Variants in ARID3A observed in about 807,000 individuals in gnomAD.
ARID3A encodes the protein AT-rich interaction domain 3A.
ARID3A carries 11 observed loss-of-function variants against 52.7 expected under a neutral mutation model. That is an observed-to-expected ratio of 0.21 (90% confidence interval 0.13 to 0.35). ARID3A has a LOEUF of 0.35. ARID3A is among the 10% of genes least tolerant of loss of function. The pLI is 1.00. For missense variants in ARID3A, 721 were observed against 838.5 expected (o/e 0.86, Z 1.73); for synonymous variants, 404 against 359.4 (o/e 1.12, Z -1.40).
rs1637993 is a variant in ARID3A at position 960,187 on chromosome 19, G to A, written c.766+23G>A. 74 of 1,598,222 alleles carry A rather than the reference G, an allele frequency of 4.6e-5. 1 individual carries two copies. The South Asian group carries it at 7.9e-4, about 17-fold the overall frequency. On this transcript the variant is annotated intron_variant, in intron 4 of 8. Transcript: ENST00000263620. This position sits in a 1 kb window ranked among gnomAD's most constrained non-coding sequence, Gnocchi z 4.3. ...GAGGTGAGCCCTCTGCCCCCACCCC[G>A]CTGGAGGGAGGTCACAGAAACAGGG...
rs141423597 is a variant in ARID3A, at chr19:931,150, C to T, written c.368+1254C>T. On this transcript the variant is annotated intron_variant, in intron 2 of 8. Transcript: ENST00000263620. ...TTCTACAAAAAGTACAAAAATTAGT[C>T]GGGTGTTGTGGCATGCATCTGTGGT... 1.6e-4 allele frequency among the ~76,000 whole-genome samples: 25 copies of T among 151,972 alleles called. No individual in the cohort carries two copies. In the East Asian group the frequency reaches 3.9e-3, roughly 24 times the overall value.
In ARID3A at chr19:944,763, C is replaced by G. The variant is rs2037641354; in HGVS notation, c.693+12021C>G. On this transcript the variant is annotated intron_variant, in intron 3 of 8. Transcript: ENST00000263620. This position sits in a 1 kb window ranked among gnomAD's most constrained non-coding sequence, Gnocchi z 5.9. ...GTGTCAGCCTCCTGAGTAGCTGGGA[C>G]CACAGACACTCGCCACCACACCCGG... Among the ~76,000 whole-genome samples, 1 of 152,130 alleles carries G rather than the reference C, an allele frequency of 6.6e-6. No homozygotes were observed. The highest frequency in any genetic ancestry group is 2.1e-4 in the South Asian group (1 of 4,820).
At chr19:946,852 G>T (rs956821572) in intron 3 of ARID3A, among the ~76,000 whole-genome samples, 10 of 151,824 alleles carry the variant, frequency 6.6e-5, no homozygotes, top group Non-Finnish European at 1.3e-4. Context: ...GGAGTGCAGT[G>T]ATGTCATCTC....
At chr19:955,028 G>T (rs1015284708) in intron 3 of ARID3A, among the ~76,000 whole-genome samples, 4 of 152,200 alleles carry the variant, frequency 2.6e-5, no homozygotes, top group Admixed American at 6.5e-5. Context: ...GTGGGTGTGT[G>T]GTGGGCGGCT....
intron 3 of ARID3A, among the ~76,000 whole-genome samples, chr19:951,391 T>A (rs1031558332): frequency 6.6e-6 from 1 of 151,788 alleles, no homozygotes; most frequent in Non-Finnish European, 1.5e-5. Flanking sequence ...ACCCCATCTC[T>A]ACTAAAAATA....
intron 2 of ARID3A, among the ~76,000 whole-genome samples, 179 bp downstream of exon 2, chr19:930,075 G>A (rs1178217616): frequency 6.6e-6 from 1 of 152,064 alleles, no homozygotes; most frequent in Non-Finnish European, 1.5e-5. Context: ...ACCAGCCTGG[G>A]CAACATAGCA....
At chr19:951,253 A>G (rs2037797694) in intron 3 of ARID3A, among the ~76,000 whole-genome samples, 1 of 147,666 alleles carries the variant, frequency 6.8e-6, no homozygotes, top group African/African-American at 2.5e-5. Context: ...CACCACACCC[A>G]GCCTTTTATA....
In ARID3A at chr19:938,043, C is replaced by T. The variant is rs1269860539; in HGVS notation, c.693+5301C>T. On this transcript the variant is annotated intron_variant, in intron 3 of 8. Transcript: ENST00000263620. The surrounding 1 kb of genome is among the most constrained non-coding windows in gnomAD (Gnocchi z 4.0). ...ATTTTTAGTAGAGACGGGGTTTCACCGTGTTGGGCAGGGTGGTCTTGAACT... is the reference window on the plus strand; with the variant it reads ...ATTTTTAGTAGAGACGGGGTTTCACTGTGTTGGGCAGGGTGGTCTTGAACT... Among the ~76,000 whole-genome samples, 7 of 151,668 alleles carry T rather than the reference C, an allele frequency of 4.6e-5. No homozygotes were observed. The highest frequency in any genetic ancestry group is 1.0e-4 in the Non-Finnish European group (7 of 67,904).
chr19:955,796 G>A (rs1451563672), intron 3 of ARID3A, among the ~76,000 whole-genome samples: 2 of 152,204 alleles, frequency 1.3e-5, no homozygotes, highest in Non-Finnish European at 2.9e-5. Context: ...AGGGCCCAAG[G>A]TGTGCTGGCC....
chr19:967,994 G>A (rs968784746), intron 7 of ARID3A, among the ~76,000 whole-genome samples: 2 of 148,044 alleles, frequency 1.4e-5, no homozygotes, highest in African/African-American at 5.0e-5. Context: ...GCAGTGAGCC[G>A]AGATCGCACC....
Position 935,361 on chromosome 19 carries a change from C to T in ARID3A, c.693+2619C>T, listed in dbSNP as rs73507564. On this transcript the variant is annotated intron_variant, in intron 3 of 8. Transcript: ENST00000263620. ...GGACGTGCAGTTTTGGAGGCCAGCA[C>T]GTGTCGGGCAGTGATTAGGATCTCA... is the stretch of plus-strand genomic sequence containing the variant. Among the ~76,000 whole-genome samples, 364 of 152,326 alleles carry T rather than the reference C, an allele frequency of 2.4e-3. 3 individuals carry two copies. The highest frequency in any genetic ancestry group is 8.4e-3 in the African/African-American group (350 of 41,568).
intron 1 of ARID3A, among the ~76,000 whole-genome samples, chr19:926,639 G>A (rs2037206026): frequency 6.6e-6 from 1 of 151,778 alleles, no homozygotes; most frequent in African/African-American, 2.4e-5. Flanking sequence ...CCGCCCCAGC[G>A]CAGAGAGGGG....
At chr19:933,411 G>T (rs1018443212) in intron 3 of ARID3A, among the ~76,000 whole-genome samples, 3 of 152,160 alleles carry the variant, frequency 2.0e-5, no homozygotes, top group African/African-American at 7.2e-5. Flanking sequence ...AAGTTGGGCC[G>T]TGCTGGGCCG....
At chr19:934,488 C>T (rs1250252206) in intron 3 of ARID3A, among the ~76,000 whole-genome samples, 2 of 152,212 alleles carry the variant, frequency 1.3e-5, no homozygotes, top group African/African-American at 4.8e-5. Flanking sequence ...TGGGGTTTTT[C>T]TGCAGCGGGA....
At chr19:956,034 C>T (rs1429358055) in intron 3 of ARID3A, among the ~76,000 whole-genome samples, 1 of 152,094 alleles carries the variant, frequency 6.6e-6, no homozygotes, top group African/African-American at 2.4e-5. Context: ...CTCTGTGCGA[C>T]CGTCTCCAGT....
chr19:960,245 T>C lies in ARID3A; in HGVS notation c.766+81T>C. 1 of 1,363,050 alleles carries C rather than the reference T, an allele frequency of 7.3e-7. No individual in the cohort carries two copies. The highest frequency in any genetic ancestry group is 2.0e-5 in the Admixed American group (1 of 49,036). 84.4% of individuals were successfully genotyped at this position (1,363,050 alleles called of 1,614,324 possible). ...AGGGGCCCTACTGGCTCCAGGTATGTCGGGGCGGTGGTGAGCACCCCGTGG... is the reference window on the plus strand; with the variant it reads ...AGGGGCCCTACTGGCTCCAGGTATGCCGGGGCGGTGGTGAGCACCCCGTGG... On this transcript the variant is annotated intron_variant, in intron 4 of 8. Transcript: ENST00000263620. This position sits in a 1 kb window ranked among gnomAD's most constrained non-coding sequence, Gnocchi z 4.3.
At position 942,259 on chromosome 19, in the gene ARID3A, C is replaced by T. The variant is rs1381632377; in HGVS notation, c.693+9517C>T. On this transcript the variant is annotated intron_variant, in intron 3 of 8. Transcript: ENST00000263620. The surrounding 1 kb of genome is among the most constrained non-coding windows in gnomAD (Gnocchi z 8.1). ...CCTGCTGGACACAAAGGGCTGAAGT[C>T]CAGGTCCCTTCGATGGCCCAAATTA... 6.6e-6 allele frequency among the ~76,000 whole-genome samples: 1 copy of T among 152,310 alleles called. No homozygotes were observed.
intron 3 of ARID3A, among the ~76,000 whole-genome samples, chr19:933,846 TGG>T (rs1555726109): frequency 4.6e-5 from 2 of 43,252 alleles, no homozygotes; most frequent in African/African-American, 1.9e-4. Context: ...GGGGACTCGG[TGG>T]GGGGGGGGGG....
At chr19:963,157 C>T (rs938708879) in intron 4 of ARID3A, among the ~76,000 whole-genome samples, 9 of 152,194 alleles carry the variant, frequency 5.9e-5, no homozygotes, top group African/African-American at 1.9e-4. Flanking sequence ...GGGCTGCACC[C>T]GCTCTCCAGC....
Sources: allele counts gnomAD v4.1 joint callset (sites outside exome capture counted in the v4.1 genomes callset), GRCh38; gene constraint gnomAD v4.1.1; non-coding constraint Gnocchi (gnomAD v3.1); transcripts MANE v1.5; gene names NCBI Gene and HGNC (gene_info 2026-07-23, HGNC 2026-07-21).